STAC: variants seen among roughly 807,000 people sequenced by gnomAD.
STAC encodes the protein SH3 and cysteine rich domain.
A neutral mutation model predicts 48.8 loss-of-function variants in STAC; 43 were observed. The observed-to-expected ratio is 0.88, with a 90% CI of 0.69 to 1.14. STAC has a LOEUF of 1.14. Ranked by LOEUF, STAC falls within the 50% of genes most tolerant of loss-of-function variation. The pLI, the probability that STAC is intolerant of heterozygous loss-of-function variation, is 0.00. For synonymous variants in STAC, 193 were observed against 179.5 expected, an observed-to-expected ratio of 1.07 and a Z score of -0.60; for missense variants, 497 against 504.0, an observed-to-expected ratio of 0.99 and a Z score of 0.13.
rs73827559 is a variant in STAC, at chr3:36,546,685, T to C, written c.*396T>C. The C allele has an allele frequency of 2.7e-3, 544 of 203,684 alleles. 1 individual carries two copies. The highest frequency in any genetic ancestry group is 0.011 in the African/African-American group (495 of 44,220). The allele number at this position is 203,684 out of a possible 1,614,324, so 12.6% of individuals were successfully genotyped here. A position where few individuals can be genotyped will look rare whatever the true frequency, so the allele number is the denominator to read the frequency against. ...TTCAGATCCATGTAGCTAAGTATTA[T>C]CCTGCTTCCAGACCTATGTCACCAG... On this transcript the variant is annotated 3_prime_UTR_variant, in exon 11 of 11. Coordinates refer to ENST00000273183, the MANE Select transcript of STAC (RefSeq NM_003149.3).
At chr3:36,451,166 T>G (rs567404323) in intron 2 of STAC, among the ~76,000 whole-genome samples, 1 of 152,322 alleles carries the variant, frequency 6.6e-6, no homozygotes, top group African/African-American at 2.4e-5. Context: ...GTGGTTTCTG[T>G]GTTCTTTCTT....
intron 8 of STAC, among the ~76,000 whole-genome samples, chr3:36,514,204 CTTTTTTTT>C (rs765548085): frequency 3.3e-4 from 12 of 36,434 alleles, no homozygotes; most frequent in South Asian, 2.7e-3. Context: ...CACTGGCCTT[CTTTTTTTT>C]TTTTTTTTTT....
chr3:36,546,152 C>A, intron 10 of STAC, 39 bp from the exon 11 acceptor site: 1 of 1,564,126 alleles, frequency 6.4e-7, no homozygotes, highest in Non-Finnish European at 8.8e-7. Flanking sequence ...TTCTTGCTGA[C>A]AGTAAAGTAT....
At chr3:36,506,736 G>C (rs776080766) in intron 8 of STAC, among the ~76,000 whole-genome samples, 1 of 151,766 alleles carries the variant, frequency 6.6e-6, no homozygotes, top group Non-Finnish European at 1.5e-5. Context: ...GTTTATTACT[G>C]GTGTATAGGA....
At chr3:36,435,626 A>G (rs1700815371) in intron 1 of STAC, among the ~76,000 whole-genome samples, 1 of 151,912 alleles carries the variant, frequency 6.6e-6, no homozygotes, top group Non-Finnish European at 1.5e-5. Flanking sequence ...CATGTTCATT[A>G]CCTCTGCTCA....
chr3:36,385,479 T>C (rs569787312), intron 1 of STAC, among the ~76,000 whole-genome samples: 1 of 152,224 alleles, frequency 6.6e-6, no homozygotes, highest in South Asian at 2.1e-4. Flanking sequence ...GAAAAAGTTG[T>C]ATTATAGTCT....
chr3:36,398,601 A>AAGG lies in STAC; in HGVS notation c.111+17848_111+17849insGGA, dbSNP rs1559477421. 3.6e-4 allele frequency among the ~76,000 whole-genome samples: 13 copies of AAGG among 35,828 alleles called. 1 individual carries two copies. Among genetic ancestry groups the AAGG allele is most frequent in the South Asian group, 2.3e-3 (2 of 858 alleles). 23.5% of individuals were successfully genotyped at this position (35,828 alleles called of 152,430 possible). A position where few individuals can be genotyped will look rare whatever the true frequency, so the allele number is the denominator to read the frequency against. On this transcript the variant is annotated intron_variant, in intron 1 of 10. Coordinates refer to ENST00000273183, the MANE Select transcript of STAC (RefSeq NM_003149.3). ...GGAAGGAAGGAAGGAAGGAAGGAAG[A>AAGG]AAGGAAGGAGGGAAGGAAGAGAAAA...
chr3:36,538,151 TTA>T (rs1699241934), intron 10 of STAC, among the ~76,000 whole-genome samples: 1 of 152,180 alleles, frequency 6.6e-6, no homozygotes, highest in Non-Finnish European at 1.5e-5. Context: ...CATATCCTCT[TTA>T]GTTTCCTAAC....
chr3:36,545,427 A>C (rs1203146662), intron 10 of STAC, among the ~76,000 whole-genome samples: 1 of 152,170 alleles, frequency 6.6e-6, no homozygotes, highest in Non-Finnish European at 1.5e-5. Context: ...TCACTTGTAC[A>C]AGGAACCCTG....
At chr3:36,423,130 T>C (rs1241765860) in intron 1 of STAC, among the ~76,000 whole-genome samples, 1 of 152,024 alleles carries the variant, frequency 6.6e-6, no homozygotes, top group Non-Finnish European at 1.5e-5. Flanking sequence ...GTCTCCACCA[T>C]AGCCATAGTG....
At chr3:36,504,792 ATAT>A (rs1394154450) in intron 7 of STAC, among the ~76,000 whole-genome samples, 1 of 152,054 alleles carries the variant, frequency 6.6e-6, no homozygotes, top group Non-Finnish European at 1.5e-5. Flanking sequence ...AACTAGAATA[ATAT>A]TATATAATGT....
At chr3:36,476,536 A>G (rs949354731) in intron 2 of STAC, among the ~76,000 whole-genome samples, 3 of 152,186 alleles carry the variant, frequency 2.0e-5, no homozygotes, top group Admixed American at 6.5e-5. Context: ...GTTGAAAATG[A>G]AGCAAGGAAA....
intron 1 of STAC, among the ~76,000 whole-genome samples, chr3:36,403,259 A>G (rs955544887): frequency 6.6e-6 from 1 of 152,240 alleles, no homozygotes; most frequent in Non-Finnish European, 1.5e-5. Flanking sequence ...TGAAGACTGA[A>G]TCAGATAAAT....
rs117688235 is a variant in STAC at position 36,439,011 on chromosome 3, C to T, written c.112-4353C>T. 2.0e-3 allele frequency among the ~76,000 whole-genome samples: 303 copies of T among 152,306 alleles called. 2 individuals carry two copies. Among genetic ancestry groups the T allele is most frequent in the East Asian group, 7.9e-3 (41 of 5,180 alleles). The stretch of plus-strand genomic sequence containing the variant: ...GCAGATTTGCTTTCCTGCTCCACAT[C>T]CTCACTGATGGCCAGAAGTATTGTC... On this transcript the variant is annotated intron_variant, in intron 1 of 10. Coordinates refer to ENST00000273183, the MANE Select transcript of STAC (RefSeq NM_003149.3).
At chr3:36,504,178 A>T (rs970159659) in intron 6 of STAC, among the ~76,000 whole-genome samples, 1 of 152,218 alleles carries the variant, frequency 6.6e-6, no homozygotes, top group African/African-American at 2.4e-5. Context: ...AAGTTGTGGG[A>T]GCACAGAGAA....
chr3:36,394,188 G>T (rs1699808191), intron 1 of STAC, among the ~76,000 whole-genome samples: 1 of 152,152 alleles, frequency 6.6e-6, no homozygotes, highest in Non-Finnish European at 1.5e-5. Context: ...CATGTGGCTA[G>T]TTAAGTTTAT....
intron 1 of STAC, among the ~76,000 whole-genome samples, chr3:36,405,248 T>C (rs936834946): frequency 6.6e-6 from 1 of 152,080 alleles, no homozygotes. Flanking sequence ...TTATCTCCAT[T>C]CCTACCTGAG....
chr3:36,483,737 AGCC>A (rs1697720889), intron 3 of STAC, among the ~76,000 whole-genome samples: 1 of 152,164 alleles, frequency 6.6e-6, no homozygotes. Flanking sequence ...TGATCCCTTA[AGCC>A]CAGGAGTTCG....
intron 1 of STAC, among the ~76,000 whole-genome samples, chr3:36,392,504 T>G (rs1699771082): frequency 6.6e-6 from 1 of 152,100 alleles, no homozygotes; most frequent in Non-Finnish European, 1.5e-5. Flanking sequence ...CATGCCCAGC[T>G]AATTTTTATT....
Sources: gnomAD v4.1 joint callset for allele counts (sites outside exome capture counted in the v4.1 genomes callset) on GRCh38, gnomAD v4.1.1 for gene constraint, MANE v1.5 for transcripts, NCBI Gene and HGNC (gene_info 2026-07-23, HGNC 2026-07-21) for gene names.